Variants in LTBP1 observed in about 807,000 individuals in gnomAD.
The protein encoded by LTBP1 is latent-transforming growth factor beta-binding protein 1.
A neutral mutation model predicts 207.6 loss-of-function variants in LTBP1; 129 were observed. That is an observed-to-expected ratio of 0.62 (90% CI 0.54 to 0.72). The LOEUF is 0.72. Among genes scored for constraint, LTBP1 ranks in the 30% least tolerant of loss-of-function variants. The probability of loss-of-function intolerance (pLI) is 0.00; values close to 1 mark genes in which losing one functional copy is unlikely to be tolerated. For missense variants in LTBP1, 2,281 were observed against 2,217.2 expected, an observed-to-expected ratio of 1.03 and a Z score of -0.58; for synonymous variants, 963 against 833.7, an observed-to-expected ratio of 1.16 and a Z score of -2.67.
intron 2 of LTBP1, among the ~76,000 whole-genome samples, chr2:33,010,771 G>A (rs1687575072): frequency 6.7e-6 from 1 of 148,216 alleles, no homozygotes; most frequent in Non-Finnish European, 1.5e-5. Flanking sequence ...CCAAGCTGGA[G>A]TGCAGTGGCT....
chr2:33,131,631 G>T (rs978463052), intron 4 of LTBP1, among the ~76,000 whole-genome samples: 4 of 152,228 alleles, frequency 2.6e-5, no homozygotes, highest in African/African-American at 9.6e-5. Flanking sequence ...GCTTCATGGA[G>T]ATGGGAGGAC....
At chr2:33,241,585 C>T (rs370241875) in intron 9 of LTBP1, among the ~76,000 whole-genome samples, 8 of 152,168 alleles carry the variant, frequency 5.3e-5, no homozygotes, top group African/African-American at 1.9e-4. Flanking sequence ...ATTCTGGGTC[C>T]TCAATCTTAT....
chr2:33,308,168 T>A (rs1049404049), intron 22 of LTBP1, among the ~76,000 whole-genome samples: 3 of 152,172 alleles, frequency 2.0e-5, no homozygotes, highest in Non-Finnish European at 4.4e-5. Context: ...GCTCATGGAG[T>A]ACATTAGGAA....
At chr2:33,273,577 C>CA in intron 15 of LTBP1, 79 bp from the exon 16 acceptor site, 1 of 1,202,756 alleles carries the variant, frequency 8.3e-7, no homozygotes, top group Non-Finnish European at 1.1e-6. Context: ...TCAGGAAACT[C>CA]AAAGTAATAC....
At chr2:32,951,489 G>T (rs1677097937) in intron 2 of LTBP1, among the ~76,000 whole-genome samples, 1 of 152,194 alleles carries the variant, frequency 6.6e-6, no homozygotes, top group Non-Finnish European at 1.5e-5. Flanking sequence ...GACCACTGGG[G>T]CTCCTGCTGA....
intron 29 of LTBP1, 65 bp downstream of exon 29, chr2:33,363,583 C>T (rs2094950646): frequency 6.7e-7 from 1 of 1,494,736 alleles, no homozygotes; most frequent in East Asian, 2.3e-5. Flanking sequence ...AATAACTATG[C>T]TATGTAGTAA....
chr2:33,003,567 T>C (rs1355449623), intron 2 of LTBP1, among the ~76,000 whole-genome samples: 1 of 152,128 alleles, frequency 6.6e-6, no homozygotes, highest in African/African-American at 2.4e-5. Flanking sequence ...TGAAGCGCTG[T>C]CCACATGAGG....
chr2:33,149,114 C>A (rs1019690009), intron 5 of LTBP1, among the ~76,000 whole-genome samples: 1 of 151,402 alleles, frequency 6.6e-6, no homozygotes, highest in Non-Finnish European at 1.5e-5. Flanking sequence ...ACTCTGGAGG[C>A]TGAGGCAGGA....
At chr2:32,992,600 C>T (rs1684588813) in intron 2 of LTBP1, among the ~76,000 whole-genome samples, 2 of 152,158 alleles carry the variant, frequency 1.3e-5, no homozygotes, top group Non-Finnish European at 2.9e-5. Flanking sequence ...GGAGCACAGA[C>T]CTGGATTTGG....
chr2:33,072,752 G>A (rs983895418), intron 3 of LTBP1, among the ~76,000 whole-genome samples: 1 of 152,210 alleles, frequency 6.6e-6, no homozygotes, highest in South Asian at 2.1e-4. Flanking sequence ...ATATGTCATA[G>A]TATCACGCAA....
At chr2:33,085,894 A>G (rs1558617065) in intron 3 of LTBP1, among the ~76,000 whole-genome samples, 1 of 152,178 alleles carries the variant, frequency 6.6e-6, no homozygotes, top group Non-Finnish European at 1.5e-5. Context: ...AGTTATAATT[A>G]CAGGAAGAAG....
intron 5 of LTBP1, among the ~76,000 whole-genome samples, chr2:33,150,097 T>C (rs1031423396): frequency 1.3e-5 from 2 of 152,220 alleles, no homozygotes; most frequent in Non-Finnish European, 2.9e-5. Context: ...TGGACAACAA[T>C]GTGTATCACG....
At chr2:33,258,499 T>C (rs1164466806) in intron 12 of LTBP1, among the ~76,000 whole-genome samples, 3 of 152,184 alleles carry the variant, frequency 2.0e-5, no homozygotes, top group African/African-American at 7.2e-5. Flanking sequence ...CCTATTTGAT[T>C]CTATGCTTTC....
intron 31 of LTBP1, among the ~76,000 whole-genome samples, chr2:33,377,996 G>T (rs945516003): frequency 6.6e-6 from 1 of 152,134 alleles, no homozygotes; most frequent in African/African-American, 2.4e-5. Context: ...TGAGATTTGG[G>T]TGGGGACACA....
intron 9 of LTBP1, among the ~76,000 whole-genome samples, chr2:33,235,992 T>G (rs1346132021): frequency 1.3e-5 from 2 of 152,166 alleles, no homozygotes; most frequent in African/African-American, 4.8e-5. Flanking sequence ...CTATGGCACT[T>G]GTATACCTAT....
intron 22 of LTBP1, among the ~76,000 whole-genome samples, chr2:33,303,597 A>G (rs989136766): frequency 1.3e-5 from 2 of 151,982 alleles, no homozygotes; most frequent in South Asian, 2.1e-4. Context: ...TGATCCGCCC[A>G]TCTCGGCCTC....
At chr2:33,349,492 T>C (rs2094750756) in intron 26 of LTBP1, among the ~76,000 whole-genome samples, 1 of 152,098 alleles carries the variant, frequency 6.6e-6, no homozygotes, top group Admixed American at 6.5e-5. Context: ...AGAGAAAGGC[T>C]GTGGTCTTTT....
chr2:33,347,651 G>C, intron 26 of LTBP1, 141 bp downstream of exon 26: 1 of 972,346 alleles, frequency 1.0e-6, no homozygotes, highest in Non-Finnish European at 1.5e-6. Context: ...AAGCTTCCAT[G>C]ATCTTCTGTG....
chr2:32,965,680 A>C (rs992063344), intron 2 of LTBP1, among the ~76,000 whole-genome samples: 2 of 152,172 alleles, frequency 1.3e-5, no homozygotes, highest in Non-Finnish European at 2.9e-5. Flanking sequence ...AATACTGAAT[A>C]ATATTCCATT....
Sources: allele counts gnomAD v4.1 joint callset (sites outside exome capture counted in the v4.1 genomes callset), GRCh38; gene constraint gnomAD v4.1.1; transcripts MANE v1.5; gene names NCBI Gene and HGNC (gene_info 2026-07-23, HGNC 2026-07-21).